BEND4: variants seen among roughly 807,000 people sequenced by gnomAD.
The protein encoded by BEND4 is BEN domain containing 4, also known as BEN domain-containing protein 4.
A neutral mutation model predicts 54.7 loss-of-function variants in BEND4; 27 were observed. The ratio of observed to expected loss-of-function variants is 0.49; its 90% CI spans 0.36 to 0.68. The LOEUF (loss-of-function observed/expected upper bound fraction) is 0.68, where lower values mean the gene tolerates loss of function less well. Among genes scored for constraint, BEND4 ranks in the 30% least tolerant of loss-of-function variants. The probability of loss-of-function intolerance (pLI) is 0.00; values close to 1 mark genes in which losing one functional copy is unlikely to be tolerated. For missense variants in BEND4, 702 were observed against 697.2 expected, an observed-to-expected ratio of 1.01 and a Z score of -0.08; for synonymous variants, 327 against 299.5, an observed-to-expected ratio of 1.09 and a Z score of -0.95.
Position 42,114,403 on chromosome 4 carries a change from A to G in BEND4, c.*3115T>C, listed in dbSNP as rs560479220. 6.6e-6 allele frequency: 1 copy of G among 152,180 alleles called. No individual in the cohort carries two copies. The highest frequency in any genetic ancestry group is 6.5e-5 in the Admixed American group (1 of 15,274). 9.4% of individuals were successfully genotyped at this position (152,180 alleles called of 1,614,324 possible). ...ACCTAGTCACCGACAAAAAAGCCAC[A>G]TTTAGTCTTTGTTGTCAAGCCAGCC... is the stretch of plus-strand genomic sequence containing the variant. On this transcript the variant is annotated 3_prime_UTR_variant, in exon 6 of 6. Transcript: ENST00000502486.
chr4:42,116,082 T>G lies in BEND4; in HGVS notation c.*1436A>C, dbSNP rs1354291869. The G allele has an allele frequency of 6.6e-6, 1 of 152,236 alleles. No individual in the cohort carries two copies. The highest frequency in any genetic ancestry group is 1.5e-5 in the Non-Finnish European group (1 of 68,052). 9.4% of individuals were successfully genotyped at this position (152,236 alleles called of 1,614,324 possible). On this transcript the variant is annotated 3_prime_UTR_variant, in exon 6 of 6. Coordinates refer to ENST00000502486, the MANE Select transcript of BEND4 (RefSeq NM_207406.4). ...TAAATATTAAATCTAAAGGACAATT[T>G]ATGAGTTTATGTTGACAAAAATAGC... is the stretch of plus-strand genomic sequence containing the variant.
rs1433303694 is a variant in BEND4 at position 42,151,969 on chromosome 4, G to A, written c.175C>T (p.Pro59Ser). 6 of 1,250,476 alleles carry A rather than the reference G, an allele frequency of 4.8e-6. No individual in the cohort carries two copies. Among genetic ancestry groups the A allele is most frequent in the Non-Finnish European group, 6.0e-6 (6 of 993,500 alleles). 77.5% of individuals were successfully genotyped at this position (1,250,476 alleles called of 1,614,324 possible). A position where few individuals can be genotyped will look rare whatever the true frequency, so the allele number is the denominator to read the frequency against. Residue 59 changes from proline to serine, a missense_variant, in exon 2 of 6, where the codon CCG becomes TCG. Coordinates refer to ENST00000502486, the MANE Select transcript of BEND4 (RefSeq NM_207406.4). ...GCGGCGTGCGGCGCGAAGGGCGGCG[G>A]GGGCGGCGGGGGCGCCCGCACGTGC... is the stretch of plus-strand genomic sequence containing the variant. ...LPHVRAPPPP[P>S]PPFAPHAAVS...
intron 3 of BEND4, among the ~76,000 whole-genome samples, chr4:42,141,042 C>G (rs977064426): frequency 2.0e-5 from 3 of 152,200 alleles, no homozygotes. Context: ...AGTGTGCTAG[C>G]TGCAACCATG....
rs1188805327 is a variant in BEND4, at chr4:42,111,558, C to G, written c.*5960G>C. The G allele has an allele frequency of 6.6e-6, 1 of 152,190 alleles. No homozygotes were observed. The highest frequency in any genetic ancestry group is 1.5e-5 in the Non-Finnish European group (1 of 68,044). The allele number at this position is 152,190 out of a possible 1,614,324, so 9.4% of individuals were successfully genotyped here. ...CCAGGACCCTCATGGCCTTGGCATG[C>G]TCTTGAACTTAAACACAGCCAAAGG... is the stretch of plus-strand genomic sequence containing the variant. On this transcript the variant is annotated 3_prime_UTR_variant, in exon 6 of 6. Transcript: ENST00000502486.
In BEND4 at chr4:42,115,432, T is replaced by C. The variant is rs1401813313; in HGVS notation, c.*2086A>G. 6.6e-6 allele frequency: 1 copy of C among 152,206 alleles called. No individual in the cohort carries two copies. Among genetic ancestry groups the C allele is most frequent in the Non-Finnish European group, 1.5e-5 (1 of 68,052 alleles). 9.4% of individuals were successfully genotyped at this position (152,206 alleles called of 1,614,324 possible). ...GCACGATAGGGCTCCAAGATGATAT[T>C]TGGATATGAAGAAATATTCAGGACT... On this transcript the variant is annotated 3_prime_UTR_variant, in exon 6 of 6. Transcript: ENST00000502486.
rs921679017 is a variant in BEND4, at chr4:42,113,625, A to C, written c.*3893T>G. On this transcript the variant is annotated 3_prime_UTR_variant, in exon 6 of 6. Transcript: ENST00000502486. Reference sequence around the variant, plus strand: ...AGAATAGTTACTGGACTTAAAAAAAATCCTATCAACATCAGTTACCACTAG... The same window carrying C: ...AGAATAGTTACTGGACTTAAAAAAACTCCTATCAACATCAGTTACCACTAG... 3.8e-4 allele frequency: 58 copies of C among 152,308 alleles called. No homozygotes were observed. Among genetic ancestry groups the C allele is most frequent in the African/African-American group, 1.4e-3 (58 of 41,562 alleles). The allele number at this position is 152,308 out of a possible 1,614,324, so 9.4% of individuals were successfully genotyped here.
In BEND4 at chr4:42,115,736, A is replaced by G. The variant is rs2153144053; in HGVS notation, c.*1782T>C. On this transcript the variant is annotated 3_prime_UTR_variant, in exon 6 of 6. Coordinates refer to ENST00000502486, the MANE Select transcript of BEND4 (RefSeq NM_207406.4). ...ATCTTTCTTCCTTGGAGAGCCAAAG[A>G]GACTGGTCTCATGGCTGCCGTAAGA... is the stretch of plus-strand genomic sequence containing the variant. The G allele has an allele frequency of 6.6e-6, 1 of 152,354 alleles. No individual in the cohort carries two copies. Among genetic ancestry groups the G allele is most frequent in the Admixed American group, 6.5e-5 (1 of 15,304 alleles). 9.4% of individuals were successfully genotyped at this position (152,354 alleles called of 1,614,324 possible).
intron 3 of BEND4, among the ~76,000 whole-genome samples, chr4:42,125,930 A>G (rs569476370): frequency 1.6e-3 from 245 of 152,050 alleles, no homozygotes; most frequent in Non-Finnish European, 3.1e-3. Context: ...TTGCAGAGAT[A>G]GGGTCTTGCT....
At chr4:42,143,363 A>G in intron 3 of BEND4, 65 bp downstream of exon 3, 1 of 1,329,938 alleles carries the variant, frequency 7.5e-7, no homozygotes, top group Non-Finnish European at 1.1e-6. Flanking sequence ...AGAAATACAC[A>G]GACAGATGAG....
chr4:42,144,749 G>C (rs1343203047), intron 2 of BEND4, among the ~76,000 whole-genome samples: 2 of 152,130 alleles, frequency 1.3e-5, no homozygotes, highest in Non-Finnish European at 2.9e-5. Context: ...ACGAGGCATG[G>C]GTGCCTGTTA....
In BEND4 at chr4:42,143,916, A is replaced by G. The variant is rs766166070; in HGVS notation, c.566T>C (p.Leu189Pro). The G allele has an allele frequency of 6.5e-7, 1 of 1,538,118 alleles. No homozygotes were observed. Among genetic ancestry groups the G allele is most frequent in the Non-Finnish European group, 8.7e-7 (1 of 1,146,506 alleles). Residue 189 changes from leucine (L) to proline (P), a missense_variant, in exon 3 of 6, where the codon CTG (leucine) becomes CCG (proline). Transcript: ENST00000502486. The part of the protein sequence containing the change: ...LSLLNCGGKL[L>P]DSNHSQSMIS... ...CATGGACTGAGAATGGTTGGAGTCC[A>G]GGAGTTTTCCTCCACAATTTAAGAG...
chr4:42,152,301 T>A lies in BEND4; in HGVS notation c.-158A>T. 4.4e-6 allele frequency: 3 copies of A among 683,254 alleles called. No homozygotes were observed. Among genetic ancestry groups the A allele is most frequent in the Non-Finnish European group, 6.0e-6 (3 of 496,546 alleles). The allele number at this position is 683,254 out of a possible 1,614,324, so 42.3% of individuals were successfully genotyped here. A position where few individuals can be genotyped will look rare whatever the true frequency, so the allele number is the denominator to read the frequency against. On this transcript the variant is annotated 5_prime_UTR_variant, in exon 2 of 6. Transcript: ENST00000502486. ...GGCCGCCGCCGCCGCCGCCTGTCGC[T>A]GAGGCTGGCATCGCCGAGCCCCCGC...
intron 3 of BEND4, among the ~76,000 whole-genome samples, chr4:42,133,310 A>G (rs1720571943): frequency 6.6e-6 from 1 of 152,236 alleles, no homozygotes; most frequent in African/African-American, 2.4e-5. Flanking sequence ...CAGGATATCT[A>G]GATGGATGTC....
intron 3 of BEND4, among the ~76,000 whole-genome samples, chr4:42,142,086 T>C (rs1424888386): frequency 6.6e-6 from 1 of 151,536 alleles, no homozygotes; most frequent in African/African-American, 2.4e-5. Flanking sequence ...TGTATTTTTT[T>C]AGTAGAGACG....
Position 42,152,013 on chromosome 4 carries a change from G to A in BEND4, c.131C>T (p.Pro44Leu). ...RPALAKRYERPTLVELPHVRA... is the reference protein window; with the variant it reads ...RPALAKRYERLTLVELPHVRA... Reference sequence around the variant, plus strand: ...CACGTGCGGCAGCTCCACCAGGGTGGGTCGCTCGTAGCGCTTGGCCAGCGC... The same window carrying A: ...CACGTGCGGCAGCTCCACCAGGGTGAGTCGCTCGTAGCGCTTGGCCAGCGC... The change falls in exon 2 of 6, where the codon CCC becomes CTC. Residue 44 changes from proline (P) to leucine (L), a missense_variant. By Grantham distance (98) the Pro-to-Leu change is moderately conservative. Transcript: ENST00000502486. The A allele has an allele frequency of 8.0e-7, 1 of 1,253,966 alleles. No individual in the cohort carries two copies. The highest frequency in any genetic ancestry group is 1.0e-6 in the Non-Finnish European group (1 of 993,642). 77.7% of individuals were successfully genotyped at this position (1,253,966 alleles called of 1,614,324 possible). A position where few individuals can be genotyped will look rare whatever the true frequency, so the allele number is the denominator to read the frequency against.
At position 42,152,193 on chromosome 4, in the gene BEND4, G is replaced by GCCGGGCT. The variant is rs1392462596; in HGVS notation, c.-57_-51dup. ...GGAGCACGTCCCCTCCCCGCCGGGC[G>GCCGGGCT]CCGGGCTCCGAGGGTGCCTCCGCCG... On this transcript the variant is annotated 5_prime_UTR_variant, in exon 2 of 6. Coordinates refer to ENST00000502486, the MANE Select transcript of BEND4 (RefSeq NM_207406.4). 9.7e-6 allele frequency: 12 copies of GCCGGGCT among 1,234,504 alleles called. No individual in the cohort carries two copies. The highest frequency in any genetic ancestry group is 1.2e-5 in the Non-Finnish European group (12 of 981,964). 76.5% of individuals were successfully genotyped at this position (1,234,504 alleles called of 1,614,324 possible).
chr4:42,139,885 C>T (rs1720826194), intron 3 of BEND4, among the ~76,000 whole-genome samples: 1 of 152,176 alleles, frequency 6.6e-6, no homozygotes, highest in Non-Finnish European at 1.5e-5. Context: ...AGGGAAAATC[C>T]ATCCCAAATT....
chr4:42,138,860 T>C (rs1363481226), intron 3 of BEND4, among the ~76,000 whole-genome samples: 1 of 152,216 alleles, frequency 6.6e-6, no homozygotes, highest in Non-Finnish European at 1.5e-5. Context: ...GTTTTTCACA[T>C]TTAGTATCTA....
At chr4:42,136,590 C>T (rs1419671339) in intron 3 of BEND4, among the ~76,000 whole-genome samples, 4 of 152,216 alleles carry the variant, frequency 2.6e-5, no homozygotes, top group Admixed American at 1.3e-4. Context: ...AGCTTAACAA[C>T]GGGATGCTTT....
Sources: allele counts gnomAD v4.1 joint callset (sites outside exome capture counted in the v4.1 genomes callset), GRCh38; gene constraint gnomAD v4.1.1; transcripts MANE v1.5; gene names NCBI Gene and HGNC (gene_info 2026-07-23, HGNC 2026-07-21).